The following RYR3 variants were observed in gnomAD, a reference collection of about 807,000 sequenced individuals.
The protein encoded by RYR3 is ryanodine receptor 3, also known as brain ryanodine receptor-calcium release channel.
Under a neutral mutation model 584.3 loss-of-function variants are expected in RYR3, and 207 were observed. The observed-to-expected ratio is 0.35, with a 90% CI of 0.32 to 0.40. The LOEUF (loss-of-function observed/expected upper bound fraction) is 0.40. Ranked by LOEUF, RYR3 falls within the 10% of genes least tolerant of loss-of-function variation. The pLI is 1.00. For missense variants in RYR3, 5,616 were observed against 6,089.2 expected, an observed-to-expected ratio of 0.92 and a Z score of 2.59; for synonymous variants, 2,416 against 2,248.5, an observed-to-expected ratio of 1.07 and a Z score of -2.11.
chr15:33,838,468 A>G lies in RYR3; in HGVS notation c.12488A>G (p.Lys4163Arg), dbSNP rs747334957. Reference protein sequence around the residue: ...VTDFLKRATLKNLRKQYRNVK... With the variant: ...VTDFLKRATLRNLRKQYRNVK... The stretch of plus-strand genomic sequence containing the variant: ...GACTTCCTGAAGAGAGCAACCCTGA[A>G]GAACCTCAGGAAGCAGTACAGGAAC... The change falls in exon 89 of 104, where the codon AAG becomes AGG. Residue 4163 changes from lysine (K) to arginine (R), a missense_variant. By Grantham distance (26) the Lys-to-Arg change is conservative. Around this residue, in one of 9 missense-constraint regions of RYR3, gnomAD observed 918 missense variants for 887.4 expected, o/e 1.03. Transcript: ENST00000634891. 6.2e-7 allele frequency: 1 copy of G among 1,614,058 alleles called. No individual in the cohort carries two copies. Among genetic ancestry groups the G allele is most frequent in the Non-Finnish European group, 8.5e-7 (1 of 1,179,892 alleles).
chr15:33,329,516 T>C (rs945514578), intron 1 of RYR3, among the ~76,000 whole-genome samples: 6 of 152,190 alleles, frequency 3.9e-5, no homozygotes, highest in Admixed American at 6.5e-5. Context: ...AAGAAATTGA[T>C]GTTCCTGAAA....
At chr15:33,778,721 G>A (rs1170333158) in intron 64 of RYR3, among the ~76,000 whole-genome samples, 6 of 152,228 alleles carry the variant, frequency 3.9e-5, no homozygotes, top group Non-Finnish European at 1.5e-5. Flanking sequence ...AATAGGACTG[G>A]TTTGTCCAAG....
chr15:33,374,232 CA>C (rs1473728121), intron 1 of RYR3, among the ~76,000 whole-genome samples: 16 of 152,306 alleles, frequency 1.1e-4, no homozygotes, highest in South Asian at 4.1e-4. Context: ...AATGGAGTAT[CA>C]ACTGTGCCTG....
intron 95 of RYR3, 107 bp from the exon 96 acceptor site, chr15:33,853,448 C>G (rs1472298351): frequency 1.5e-6 from 2 of 1,366,532 alleles, no homozygotes; most frequent in Non-Finnish European, 2.0e-6. Context: ...CTTCATCTAC[C>G]CCTTGGAAGA....
intron 52 of RYR3, among the ~76,000 whole-genome samples, chr15:33,745,226 G>A (rs1004370668): frequency 2.0e-5 from 3 of 152,072 alleles, no homozygotes; most frequent in African/African-American, 7.2e-5. Flanking sequence ...GAGGAGACAT[G>A]TAGAGAAGTA....
chr15:33,576,085 C>T (rs183035459), intron 12 of RYR3, among the ~76,000 whole-genome samples: 3 of 152,220 alleles, frequency 2.0e-5, no homozygotes, highest in East Asian at 3.9e-4. Context: ...CTGAATAGAC[C>T]AATGATGAGT....
chr15:33,647,627 A>G (rs140437719), intron 30 of RYR3, among the ~76,000 whole-genome samples, 167 bp downstream of exon 30: 2 of 152,272 alleles, frequency 1.3e-5, no homozygotes, highest in African/African-American at 4.8e-5. Context: ...GCATTTCTCA[A>G]GTGGGGGAAA....
rs570572798 is a variant in RYR3 at position 33,527,271 on chromosome 15, AAAAAT to A, written c.280-3304_280-3300del. The stretch of plus-strand genomic sequence containing the variant: ...CATTTTTTAAAGGGCAAATTCTTTA[AAAAAT>A]AAAATAAAATAAAATACATTAAGGC... On this transcript the variant is annotated intron_variant, in intron 3 of 103. Transcript: ENST00000634891. Among the ~76,000 whole-genome samples, 415 of 146,912 alleles carry A rather than the reference AAAAAT, an allele frequency of 2.8e-3. 4 individuals are homozygous for A. The highest frequency in any genetic ancestry group is 3.6e-3 in the Non-Finnish European group (242 of 67,976).
At chr15:33,383,160 G>A (rs115569276) in intron 1 of RYR3, among the ~76,000 whole-genome samples, 255 of 151,422 alleles carry the variant, frequency 1.7e-3, no homozygotes, top group African/African-American at 5.8e-3. Context: ...AAGTGATGGG[G>A]GTAACAGTGA....
intron 1 of RYR3, among the ~76,000 whole-genome samples, chr15:33,388,017 A>G (rs115940215): frequency 0.014 from 2,091 of 152,318 alleles, 52 homozygotes; most frequent in African/African-American, 0.048. Flanking sequence ...CTTAATGTCT[A>G]GCACAAATAA....
intron 51 of RYR3, among the ~76,000 whole-genome samples, chr15:33,741,857 A>G (rs1596383510): frequency 6.6e-6 from 1 of 152,108 alleles, no homozygotes; most frequent in East Asian, 1.9e-4. Context: ...CTCATGATCC[A>G]TCCACCTCGG....
chr15:33,860,789 C>CCTGTT, intron 101 of RYR3, 130 bp downstream of exon 101: 1 of 762,440 alleles, frequency 1.3e-6, no homozygotes, highest in Admixed American at 2.5e-5. Flanking sequence ...TTTTCCATGC[C>CCTGTT]CTGTTCTCTG....
chr15:33,826,260 C>T lies in RYR3; in HGVS notation c.11155C>T (p.Arg3719Trp), dbSNP rs1285283586. The change falls in exon 83 of 104, where the codon CGG (arginine) becomes TGG (tryptophan). Residue 3719 changes from arginine to tryptophan, a missense_variant. Physicochemically the swap from Arg to Trp is moderately radical, Grantham distance 101. Around this residue, in one of 9 missense-constraint regions of RYR3, gnomAD observed 954 missense variants for 1,132.2 expected, o/e 0.84. Transcript: ENST00000634891. Reference protein sequence around the residue: ...MVTEEGTLIVRERGEKVLQND... With the variant: ...MVTEEGTLIVWERGEKVLQND... ...TTTTCTCTCATTACCAGTCATTGTT[C>T]GGGAACGTGGTAAGTTTCAGTTTCT... The T allele has an allele frequency of 2.5e-6, 4 of 1,613,636 alleles. No homozygotes were observed. The highest frequency in any genetic ancestry group is 3.4e-6 in the Non-Finnish European group (4 of 1,179,662).
At chr15:33,431,697 T>G (rs2045165635) in intron 1 of RYR3, among the ~76,000 whole-genome samples, 1 of 151,762 alleles carries the variant, frequency 6.6e-6, no homozygotes, top group Non-Finnish European at 1.5e-5. Context: ...GACAAGGAGG[T>G]TGAGGCTGCA....
intron 34 of RYR3, among the ~76,000 whole-genome samples, chr15:33,661,609 T>A (rs990859573): frequency 6.6e-6 from 1 of 152,182 alleles, no homozygotes; most frequent in African/African-American, 2.4e-5. Context: ...CCTCAGATCA[T>A]CAGGCGTTAG....
intron 1 of RYR3, among the ~76,000 whole-genome samples, chr15:33,389,691 A>AC (rs1431975772): frequency 6.6e-6 from 1 of 152,216 alleles, no homozygotes; most frequent in African/African-American, 2.4e-5. Flanking sequence ...TGTGATCATA[A>AC]CCTTATAAAA....
chr15:33,400,209 T>C (rs1319807721), intron 1 of RYR3, among the ~76,000 whole-genome samples: 3 of 152,238 alleles, frequency 2.0e-5, no homozygotes, highest in Non-Finnish European at 4.4e-5. Context: ...ATCCTAACAC[T>C]ATGGTCACCA....
At chr15:33,673,341 A>C (rs1184077231) in intron 38 of RYR3, among the ~76,000 whole-genome samples, 1 of 152,226 alleles carries the variant, frequency 6.6e-6, no homozygotes, top group African/African-American at 2.4e-5. Context: ...CTTTTCTAGG[A>C]AAGAGAGAGC....
At position 33,428,595 on chromosome 15, in the gene RYR3, T is replaced by G. The variant is rs1465962913; in HGVS notation, c.52-44824T>G. On this transcript the variant is annotated intron_variant, in intron 1 of 103. Transcript: ENST00000634891. ...ACCTTAATCTTAGTTTATTCAGAGT[T>G]TTTTTTTCTGTCTCCTCCAAGAGGA... Among the ~76,000 whole-genome samples the G allele has an allele frequency of 3.9e-5, 6 of 152,144 alleles. No individual in the cohort carries two copies. In the South Asian group the frequency reaches 1.0e-3, roughly 26 times the overall value.
Sources: gnomAD v4.1 joint callset for allele counts (sites outside exome capture counted in the v4.1 genomes callset) on GRCh38, gnomAD v4.1.1 for gene constraint, gnomAD v4.1.1 regional missense constraint, MANE v1.5 for transcripts, NCBI Gene and HGNC (gene_info 2026-07-23, HGNC 2026-07-21) for gene names.